The following CNNM3 variants were observed in gnomAD, a reference collection of about 807,000 sequenced individuals.
CNNM3 encodes the protein cyclin and CBS domain divalent metal cation transport mediator 3, also known as metal transporter CNNM3.
In CNNM3, 47 loss-of-function variants were observed where a neutral mutation model predicts 57.1. The ratio of observed to expected loss-of-function variants is 0.82; its 90% CI spans 0.65 to 1.05. The LOEUF (loss-of-function observed/expected upper bound fraction) is 1.05. Among genes scored for constraint, CNNM3 ranks in the 50% least tolerant of loss-of-function variants. The probability of loss-of-function intolerance (pLI) is 0.00; values close to 1 mark genes in which losing one functional copy is unlikely to be tolerated. For missense variants in CNNM3, 957 were observed against 973.7 expected, an observed-to-expected ratio of 0.98 and a Z score of 0.23; for synonymous variants, 507 against 478.2, an observed-to-expected ratio of 1.06 and a Z score of -0.79.
intron 2 of CNNM3, among the ~76,000 whole-genome samples, chr2:96,826,253 T>G (rs954428393): frequency 6.6e-6 from 1 of 152,098 alleles, no homozygotes; most frequent in Non-Finnish European, 1.5e-5. Flanking sequence ...TGCTCTGTCA[T>G]CCAGGCTGGA....
chr2:96,830,343 G>T (rs961499935), intron 7 of CNNM3, among the ~76,000 whole-genome samples: 1 of 151,398 alleles, frequency 6.6e-6, no homozygotes, highest in Non-Finnish European at 1.5e-5. Flanking sequence ...TAACCTCCCC[G>T]TGGCCAGAGG....
At chr2:96,827,618 A>G in intron 3 of CNNM3, 113 bp from the exon 4 acceptor site, 1 of 1,103,316 alleles carries the variant, frequency 9.1e-7, no homozygotes. Context: ...CTCACAGGCC[A>G]CCCGGGAGAT....
intron 7 of CNNM3, chr2:96,831,859 C>T: frequency 2.1e-6 from 1 of 473,414 alleles, no homozygotes. Context: ...TCTCCCTCAG[C>T]TTCCCCTGCC....
intron 7 of CNNM3, 117 bp downstream of exon 7, chr2:96,829,251 C>T (rs1233185747): frequency 9.8e-6 from 13 of 1,333,270 alleles, no homozygotes; most frequent in South Asian, 2.3e-5. Context: ...CTCTTTTCTC[C>T]CCATCCTTTT....
intron 7 of CNNM3, 119 bp downstream of exon 7, chr2:96,829,253 C>T: frequency 1.5e-6 from 2 of 1,323,768 alleles, no homozygotes; most frequent in Non-Finnish European, 1.9e-6. Context: ...CTTTTCTCCC[C>T]ATCCTTTTCC....
Position 96,833,983 on chromosome 2 carries a change from T to A in CNNM3, c.*1367T>A, listed in dbSNP as rs1450476174. On this transcript the variant is annotated 3_prime_UTR_variant, in exon 8 of 8. Transcript: ENST00000305510. ...CCCAGGCTGGAGTGCAGTGGTGAGA[T>A]CTTGGCTCACTGCAACCTCCACCTC... is the stretch of plus-strand genomic sequence containing the variant. 6.6e-6 allele frequency: 1 copy of A among 152,434 alleles called. No homozygotes were observed. Among genetic ancestry groups the A allele is most frequent in the South Asian group, 2.1e-4 (1 of 4,824 alleles). 9.4% of individuals were successfully genotyped at this position (152,434 alleles called of 1,614,324 possible).
Position 96,828,119 on chromosome 2 carries a change from C to G in CNNM3, c.1710C>G (p.Ile570Met). The change falls in exon 5 of 8, where the codon ATC (isoleucine) becomes ATG (methionine). Residue 570 changes from isoleucine to methionine, a missense_variant. Coordinates refer to ENST00000305510, the MANE Select transcript of CNNM3 (RefSeq NM_017623.5). ...LILQGRVEVE[I>M]GKEGLKFENG... Reference sequence around the variant, plus strand: ...CCCAGGGCAGGGTTGAAGTGGAGATCGGGAAAGAGGGTCTGAAGTTTGAGA... The same window carrying G: ...CCCAGGGCAGGGTTGAAGTGGAGATGGGGAAAGAGGGTCTGAAGTTTGAGA... The G allele has an allele frequency of 2.5e-6, 4 of 1,614,116 alleles. No individual in the cohort carries two copies. Among genetic ancestry groups the G allele is most frequent in the Non-Finnish European group, 3.4e-6 (4 of 1,179,998 alleles).
At chr2:96,826,521 A>T (rs183115122) in intron 2 of CNNM3, among the ~76,000 whole-genome samples, 9 of 152,294 alleles carry the variant, frequency 5.9e-5, no homozygotes, top group African/African-American at 2.2e-4. Flanking sequence ...GCCTAAATTT[A>T]AAAAAGTTTT....
In CNNM3 at chr2:96,817,193, A is replaced by C. The variant is rs1384020806; in HGVS notation, c.916A>C (p.Lys306Gln). Residue 306 changes from lysine to glutamine, a missense_variant, in exon 1 of 8, where the codon AAG becomes CAG. Coordinates refer to ENST00000305510, the MANE Select transcript of CNNM3 (RefSeq NM_017623.5). ...CGGCGACCCCTACAGCGATCTCAGC[A>C]AGGGCGTGCTGCGCTGCCGGACCGT... ...GGGDPYSDLS[K>Q]GVLRCRTVED... 1 of 1,583,604 alleles carries C rather than the reference A, an allele frequency of 6.3e-7. No homozygotes were observed. Among genetic ancestry groups the C allele is most frequent in the Non-Finnish European group, 8.6e-7 (1 of 1,168,510 alleles).
intron 1 of CNNM3, among the ~76,000 whole-genome samples, chr2:96,823,881 A>G (rs2079450328): frequency 6.6e-6 from 1 of 152,156 alleles, no homozygotes; most frequent in Admixed American, 6.5e-5. Context: ...TGTGCTACCT[A>G]AAGGTGGAGT....
At chr2:96,822,008 T>A (rs7603568) in intron 1 of CNNM3, among the ~76,000 whole-genome samples, 23,563 of 141,902 alleles carry the variant, frequency 0.17, 4,512 homozygotes, top group African/African-American at 0.5. Flanking sequence ...TATTATTATT[T>A]TTTTTTTTTT....
downstream of CNNM3, chr2:96,836,800 C>T (rs935585296): frequency 1.3e-5 from 2 of 152,222 alleles, no homozygotes; most frequent in Non-Finnish European, 2.9e-5. Flanking sequence ...AAGAACAACT[C>T]TACCTAGTCT....
At position 96,816,741 on chromosome 2, in the gene CNNM3, A is replaced by G. The variant is rs1258338132; in HGVS notation, c.464A>G (p.Gln155Arg). The part of the protein sequence containing the change: ...LALAALARGL[Q>R]LSALALAPAE... ...CTGGCAGCGCTGGCGCGAGGCCTGC[A>G]GCTGAGCGCGCTGGCGCTGGCGCCT... The change falls in exon 1 of 8, where the codon CAG becomes CGG. Residue 155 changes from glutamine (Q) to arginine (R), a missense_variant. Physicochemically the swap from Gln to Arg is conservative, Grantham distance 43 (BLOSUM62 1). Coordinates refer to ENST00000305510, the MANE Select transcript of CNNM3 (RefSeq NM_017623.5). The G allele has an allele frequency of 5.9e-6, 6 of 1,014,852 alleles. No homozygotes were observed. Among genetic ancestry groups the G allele is most frequent in the Non-Finnish European group, 7.0e-6 (6 of 851,386 alleles). 62.9% of individuals were successfully genotyped at this position (1,014,852 alleles called of 1,614,324 possible).
Position 96,824,782 on chromosome 2 carries a change from G to A in CNNM3, c.1226-276G>A. ...CATGTCATGGAGGTGCACGGACCTG[G>A]AGCTGGATCCCAGCTCTGCCAGCTC... is the stretch of plus-strand genomic sequence containing the variant. On this transcript the variant is annotated intron_variant, in intron 1 of 7. Coordinates refer to ENST00000305510, the MANE Select transcript of CNNM3 (RefSeq NM_017623.5). 1.1e-5 allele frequency: 5 copies of A among 462,584 alleles called. 1 individual carries two copies. The highest frequency in any genetic ancestry group is 2.0e-5 in the Non-Finnish European group (5 of 252,592). The allele number at this position is 462,584 out of a possible 1,614,324, so 28.7% of individuals were successfully genotyped here.
rs2079624791 is a variant in CNNM3, at chr2:96,832,717, A to G, written c.*101A>G. ...GTGCCCGCCTGCCCCCATCCCCTCC[A>G]GGCCACGTTTTAGATGGCCCTTGTA... On this transcript the variant is annotated 3_prime_UTR_variant, in exon 8 of 8. Coordinates refer to ENST00000305510, the MANE Select transcript of CNNM3 (RefSeq NM_017623.5). The G allele has an allele frequency of 6.3e-7, 1 of 1,581,176 alleles. No individual in the cohort carries two copies. Among genetic ancestry groups the G allele is most frequent in the Non-Finnish European group, 8.6e-7 (1 of 1,168,428 alleles).
Position 96,827,725 on chromosome 2 carries a change from G to A in CNNM3, c.1520-6G>A, listed in dbSNP as rs1268730904. The stretch of plus-strand genomic sequence containing the variant: ...GGACACTGTCCCTTTTTTCCACCAC[G>A]TGCAGAAGTGGATGTATTCAGCCCG... On this transcript the variant is annotated splice_polypyrimidine_tract_variant and splice_region_variant and intron_variant, in intron 3 of 7. Coordinates refer to ENST00000305510, the MANE Select transcript of CNNM3 (RefSeq NM_017623.5). 8 of 1,609,128 alleles carry A rather than the reference G, an allele frequency of 5.0e-6. No homozygotes were observed. The East Asian group carries it at 6.7e-5, about 13-fold the overall frequency.
At chr2:96,827,687 A>T (rs2079532144) in intron 3 of CNNM3, 44 bp from the exon 4 acceptor site, 1 of 1,578,304 alleles carries the variant, frequency 6.3e-7, no homozygotes, top group African/African-American at 1.3e-5. Flanking sequence ...TCCACTGGCC[A>T]CTAGGCCCCA....
At chr2:96,824,550 T>C (rs1213482076) in intron 1 of CNNM3, 11 of 162,518 alleles carry the variant, frequency 6.8e-5, no homozygotes, top group Admixed American at 6.3e-4. Context: ...ACAGCATATA[T>C]ATTTACTTTA....
chr2:96,817,273 G>T lies in CNNM3; in HGVS notation c.996G>T (p.Val332=). Residue 332 remains valine (V), a synonymous_variant, in exon 1 of 8, where the codon GTG becomes GTT. Transcript: ENST00000305510. ...EDCFMLDAST[V]LDFGVLASIM... is the part of the protein sequence containing the mutation. ...GCTTCATGCTGGACGCCAGCACCGT[G>T]CTGGACTTCGGCGTCCTGGCCAGCA... is the stretch of plus-strand genomic sequence containing the variant. 1 of 1,612,800 alleles carries T rather than the reference G, an allele frequency of 6.2e-7. No individual in the cohort carries two copies.
Sources: gnomAD v4.1 joint callset for allele counts (sites outside exome capture counted in the v4.1 genomes callset) on GRCh38, gnomAD v4.1.1 for gene constraint, MANE v1.5 for transcripts, NCBI Gene and HGNC (gene_info 2026-07-23, HGNC 2026-07-21) for gene names.